RTL9: variants seen among roughly 807,000 people sequenced by gnomAD.
RTL9 encodes retrotransposon Gag like 9.
In RTL9, 19 loss-of-function variants were observed where a neutral mutation model predicts 44.7. That is an observed-to-expected ratio of 0.42 (90% CI 0.30 to 0.62). The LOEUF (loss-of-function observed/expected upper bound fraction) is 0.62, where lower values mean the gene tolerates loss of function less well. RTL9 is among the 20% of genes least tolerant of loss of function. The pLI, the probability that RTL9 is intolerant of heterozygous loss-of-function variation, is 0.16. For missense variants in RTL9, 1,105 were observed against 1,080.6 expected (o/e 1.02, Z -0.32); for synonymous variants, 407 against 398.9 (o/e 1.02, Z -0.24).
intron 1 of RTL9, among the ~76,000 whole-genome samples, chrX:110,395,709 T>G (rs1318487981): frequency 9.2e-6 from 1 of 108,583 alleles, no homozygotes; most frequent in Non-Finnish European, 1.9e-5. Flanking sequence ...GGGGAGGGAG[T>G]GAGATGGCAA....
At chrX:110,413,013 C>G (rs2068651566) in intron 1 of RTL9, among the ~76,000 whole-genome samples, 1 of 111,659 alleles carries the variant, frequency 9.0e-6, no homozygotes, top group African/African-American at 3.3e-5. Flanking sequence ...ACAGTTAATC[C>G]CACCAGGCTT....
chrX:110,405,087 G>GT (rs1458915696), intron 1 of RTL9, among the ~76,000 whole-genome samples: 16 of 76,618 alleles, frequency 2.1e-4, no homozygotes, highest in East Asian at 3.4e-4. Context: ...TGCTTGTTGT[G>GT]TCCCCCCCCC....
chrX:110,404,415 G>A (rs532577456), intron 1 of RTL9, among the ~76,000 whole-genome samples: 1 of 111,735 alleles, frequency 8.9e-6, no homozygotes, highest in South Asian at 3.8e-4. Flanking sequence ...GTTTCATTTG[G>A]CTGGGCTAAG....
intron 1 of RTL9, among the ~76,000 whole-genome samples, chrX:110,381,695 G>A (rs913001996): frequency 1.2e-4 from 13 of 111,186 alleles, no homozygotes; most frequent in African/African-American, 3.3e-4. Context: ...ATAGTGGATC[G>A]GATAAAGAAA....
intron 1 of RTL9, among the ~76,000 whole-genome samples, chrX:110,443,183 C>A (rs963163120): frequency 2.7e-5 from 3 of 111,781 alleles, no homozygotes; most frequent in Non-Finnish European, 5.6e-5. Flanking sequence ...GATGAGGAAA[C>A]TGAGGTGAAC....
At chrX:110,401,769 C>G (rs1049890287) in intron 1 of RTL9, among the ~76,000 whole-genome samples, 3 of 112,149 alleles carry the variant, frequency 2.7e-5, no homozygotes, top group Non-Finnish European at 5.6e-5. Flanking sequence ...AGTGAGCCTT[C>G]GTTTCCTCCC....
chrX:110,373,871 G>A (rs1251377138), intron 1 of RTL9, among the ~76,000 whole-genome samples: 1 of 111,864 alleles, frequency 8.9e-6, no homozygotes, highest in African/African-American at 3.2e-5. Flanking sequence ...TAGCCCCAAT[G>A]AAATATTTAA....
chrX:110,453,880 C>T (rs2068963591), exon 1 of RTL9: 1 of 1,210,379 alleles, frequency 8.3e-7, no homozygotes, highest in African/African-American at 1.7e-5. Context: ...CCACAGACAG[C>T]CTTTGGAGTG....
At position 110,359,182 on chromosome X, in the gene RTL9, G is replaced by T. The variant is rs185627847; in HGVS notation, c.-168+266G>T. Among the ~76,000 whole-genome samples, 6 of 111,259 alleles carry T rather than the reference G, an allele frequency of 5.4e-5. No individual in the cohort carries two copies. The East Asian group carries it at 1.7e-3, about 31-fold the overall frequency. On this transcript the variant is annotated intron_variant, in intron 1 of 2. Coordinates refer to the RTL9 transcript ENST00000520821. The stretch of plus-strand genomic sequence containing the variant: ...CCTAGGCAGTCTGGATCTAGTGGCT[G>T]TGTTATACTGCTTCGCAACAGAAAC...
intron 1 of RTL9, among the ~76,000 whole-genome samples, chrX:110,400,391 G>A (rs957744167): frequency 9.2e-6 from 1 of 108,875 alleles, no homozygotes; most frequent in African/African-American, 3.4e-5. Context: ...TTTCCGTATT[G>A]TTCTGAGTCC....
exon 1 of RTL9, chrX:110,451,621 C>T (rs1234648968): frequency 8.3e-7 from 1 of 1,211,988 alleles, no homozygotes; most frequent in East Asian, 3.0e-5. Flanking sequence ...GAAATGTCCA[C>T]ATTACCAAAG....
At chrX:110,455,448 C>T in exon 2 of RTL9, 1 of 809,295 alleles carries the variant, frequency 1.2e-6, no homozygotes. Context: ...CCGCTCCAGG[C>T]ACATCCCACC....
At chrX:110,451,171 C>T in exon 1 of RTL9, 1 of 1,211,887 alleles carries the variant, frequency 8.3e-7, no homozygotes. Flanking sequence ...ATGAGCACTT[C>T]ATCCTCTGAG....
chrX:110,394,728 G>C lies in RTL9; in HGVS notation c.-168+35812G>C, dbSNP rs952399733. Among the ~76,000 whole-genome samples, 6 of 112,698 alleles carry C rather than the reference G, an allele frequency of 5.3e-5. No homozygotes were observed. The Admixed American group carries it at 5.6e-4, about 11-fold the overall frequency. On this transcript the variant is annotated intron_variant, in intron 1 of 2. Coordinates refer to the RTL9 transcript ENST00000520821. ...GAGCCCCTTGCCTGCTTTTGCACAT[G>C]CATCTGCTCCTGGTGGATGACTCAC... is the stretch of plus-strand genomic sequence containing the variant.
exon 2 of RTL9, chrX:110,455,242 A>G (rs1569435659): frequency 8.3e-7 from 1 of 1,210,683 alleles, no homozygotes; most frequent in Non-Finnish European, 1.1e-6. Flanking sequence ...CTGAAAGAGC[A>G]TGGAGACCCC....
At chrX:110,364,913 A>G (rs2068287229) in intron 1 of RTL9, among the ~76,000 whole-genome samples, 1 of 112,214 alleles carries the variant, frequency 8.9e-6, no homozygotes, top group Non-Finnish European at 1.9e-5. Flanking sequence ...CCTGAGCCTC[A>G]GCTCCCTGCA....
At chrX:110,438,682 A>AT (rs982218776) in intron 1 of RTL9, among the ~76,000 whole-genome samples, 141 of 107,890 alleles carry the variant, frequency 1.3e-3, no homozygotes, top group African/African-American at 2.3e-3. Context: ...TCCTGTCTTG[A>AT]TTTTTTTTTT....
At chrX:110,423,025 G>T (rs1428380054) in intron 1 of RTL9, among the ~76,000 whole-genome samples, 1 of 111,905 alleles carries the variant, frequency 8.9e-6, no homozygotes, top group African/African-American at 3.2e-5. Context: ...TACCCTTCAC[G>T]CTCATAAAGA....
intron 1 of RTL9, among the ~76,000 whole-genome samples, chrX:110,420,994 G>A (rs1408501196): frequency 1.8e-5 from 2 of 111,573 alleles, no homozygotes; most frequent in South Asian, 3.8e-4. Context: ...TTACACCAGC[G>A]AGAGAGCTGC....
Sources: allele counts gnomAD v4.1 joint callset (sites outside exome capture counted in the v4.1 genomes callset), GRCh38; gene constraint gnomAD v4.1.1; transcripts MANE v1.5; gene names NCBI Gene and HGNC (gene_info 2026-07-23, HGNC 2026-07-21).